DAP: variants seen among roughly 807,000 people sequenced by gnomAD.
DAP encodes the protein death-associated protein 1.
A neutral mutation model predicts 13.8 loss-of-function variants in DAP; 8 were observed. The observed-to-expected ratio is 0.58, with a 90% confidence interval of 0.34 to 1.05. The LOEUF (loss-of-function observed/expected upper bound fraction) is 1.05. DAP is among the 50% of genes least tolerant of loss of function. DAP has a pLI of 0.03. For synonymous variants in DAP, 47 were observed against 47.5 expected (o/e 0.99, Z 0.04); for missense variants, 106 against 133.2 (o/e 0.80, Z 1.01).
chr5:10,747,031 A>G (rs1489683614), intron 2 of DAP, among the ~76,000 whole-genome samples: 1 of 152,190 alleles, frequency 6.6e-6, no homozygotes, highest in Non-Finnish European at 1.5e-5. Flanking sequence ...GTTTCCTTGT[A>G]CATAAACTGG....
chr5:10,695,179 T>C (rs1402889382), intron 2 of DAP, among the ~76,000 whole-genome samples: 1 of 152,236 alleles, frequency 6.6e-6, no homozygotes, highest in African/African-American at 2.4e-5. Context: ...AGTGTGACAG[T>C]CGAGGCTGTC....
chr5:10,727,353 T>C (rs944383043), intron 2 of DAP, among the ~76,000 whole-genome samples: 17 of 151,988 alleles, frequency 1.1e-4, no homozygotes, highest in African/African-American at 4.1e-4. Context: ...CGCACAGGGG[T>C]CAGCACACCC....
intron 2 of DAP, among the ~76,000 whole-genome samples, chr5:10,745,894 C>G (rs561573427): frequency 6.6e-6 from 1 of 152,304 alleles, no homozygotes; most frequent in East Asian, 1.9e-4. Flanking sequence ...AGGGAAATTA[C>G]TACAGGCTTA....
intron 1 of DAP, among the ~76,000 whole-genome samples, chr5:10,757,156 G>A (rs1740209058): frequency 6.6e-6 from 1 of 152,210 alleles, no homozygotes. Context: ...GGAGGCACCT[G>A]GCCAGTGATG....
Position 10,680,285 on chromosome 5 carries a change from T to C in DAP, c.*771A>G, listed in dbSNP as rs1737948847. The C allele has an allele frequency of 5.4e-6, 1 of 184,280 alleles. No individual in the cohort carries two copies. Among genetic ancestry groups the C allele is most frequent in the Non-Finnish European group, 1.1e-5 (1 of 88,098 alleles). 11.4% of individuals were successfully genotyped at this position (184,280 alleles called of 1,614,324 possible). On this transcript the variant is annotated 3_prime_UTR_variant, in exon 4 of 4. Coordinates refer to ENST00000230895, the MANE Select transcript of DAP (RefSeq NM_004394.3). ...TGGTCCGTGGTCACTTCCAGAACTC[T>C]GAAGTGGCTCAGGAGGTGACTCCTG...
At chr5:10,721,321 G>A (rs1739133721) in intron 2 of DAP, among the ~76,000 whole-genome samples, 1 of 152,168 alleles carries the variant, frequency 6.6e-6, no homozygotes, top group Non-Finnish European at 1.5e-5. Context: ...ATTATGTTCT[G>A]CTGGCCTAGA....
In DAP at chr5:10,761,129, G is replaced by T; in HGVS notation, c.-61C>A. 1.0e-6 allele frequency: 1 copy of T among 999,246 alleles called. No individual in the cohort carries two copies. Among genetic ancestry groups the T allele is most frequent in the Non-Finnish European group, 1.3e-6 (1 of 783,750 alleles). The allele number at this position is 999,246 out of a possible 1,614,324, so 61.9% of individuals were successfully genotyped here. On this transcript the variant is annotated 5_prime_UTR_variant, in exon 1 of 4. Transcript: ENST00000230895. Reference sequence around the variant, plus strand: ...CGCGGTTCTCGGGCCGGGCGGGCGTGCGCGAGTGAGCTCAGGTGTGAGCGC... The same window carrying T: ...CGCGGTTCTCGGGCCGGGCGGGCGTTCGCGAGTGAGCTCAGGTGTGAGCGC...
intron 1 of DAP, among the ~76,000 whole-genome samples, chr5:10,749,520 T>C (rs1739993405): frequency 6.6e-6 from 1 of 152,204 alleles, no homozygotes; most frequent in African/African-American, 2.4e-5. Flanking sequence ...TGGTCTCTTA[T>C]TGTGGTTTGA....
chr5:10,705,477 T>C (rs578031047), intron 2 of DAP, among the ~76,000 whole-genome samples: 2 of 152,352 alleles, frequency 1.3e-5, no homozygotes, highest in Admixed American at 1.3e-4. Flanking sequence ...GCCTGGGCTC[T>C]CTCCACTGCT....
intron 2 of DAP, among the ~76,000 whole-genome samples, chr5:10,740,484 C>A (rs147200464): frequency 6.6e-6 from 1 of 152,266 alleles, no homozygotes; most frequent in Non-Finnish European, 1.5e-5. Flanking sequence ...AAACTTGGTG[C>A]ATCACAAACA....
chr5:10,751,568 C>T (rs763502400), intron 1 of DAP, among the ~76,000 whole-genome samples: 5 of 152,196 alleles, frequency 3.3e-5, no homozygotes, highest in African/African-American at 7.2e-5. Context: ...ATGAAAGATG[C>T]TATTACGGGC....
At chr5:10,710,660 GAGA>G (rs2126651548) in intron 2 of DAP, among the ~76,000 whole-genome samples, 1 of 152,356 alleles carries the variant, frequency 6.6e-6, no homozygotes, top group South Asian at 2.1e-4. Flanking sequence ...AGGGTGGCTG[GAGA>G]AGGTGCCCTG....
At chr5:10,683,395 A>G (rs1022803536) in intron 3 of DAP, 134 bp downstream of exon 3, 4 of 898,492 alleles carry the variant, frequency 4.5e-6, no homozygotes, top group Non-Finnish European at 7.4e-6. Flanking sequence ...CAATGAAGAG[A>G]GCCATGGCCA....
chr5:10,720,191 T>A, intron 2 of DAP, among the ~76,000 whole-genome samples: 1 of 152,258 alleles, frequency 6.6e-6, no homozygotes, highest in South Asian at 2.1e-4. Flanking sequence ...AAGGAGACCA[T>A]GGGCATTTGA....
chr5:10,681,283 G>A, intron 3 of DAP, 114 bp from the exon 4 acceptor site: 1 of 818,978 alleles, frequency 1.2e-6, no homozygotes, highest in Non-Finnish European at 1.8e-6. Context: ...GCAATTGTGT[G>A]TGAGGAAGCC....
rs1162569342 is a variant in DAP, at chr5:10,679,673, T to G, written c.*1383A>C. Reference sequence around the variant, plus strand: ...AGGGTACATGCCGGCTTCCCTTAAGTTGATTAGATGGGAAACCAAACACCG... The same window carrying G: ...AGGGTACATGCCGGCTTCCCTTAAGGTGATTAGATGGGAAACCAAACACCG... On this transcript the variant is annotated 3_prime_UTR_variant, in exon 4 of 4. Coordinates refer to ENST00000230895, the MANE Select transcript of DAP (RefSeq NM_004394.3). 1.3e-5 allele frequency: 2 copies of G among 152,388 alleles called. No homozygotes were observed. The highest frequency in any genetic ancestry group is 2.9e-5 in the Non-Finnish European group (2 of 68,086). 9.4% of individuals were successfully genotyped at this position (152,388 alleles called of 1,614,324 possible). A position where few individuals can be genotyped will look rare whatever the true frequency, so the allele number is the denominator to read the frequency against.
chr5:10,754,337 T>C (rs1008739990), intron 1 of DAP, among the ~76,000 whole-genome samples: 5 of 152,046 alleles, frequency 3.3e-5, no homozygotes, highest in Non-Finnish European at 5.9e-5. Flanking sequence ...ATAGATAAGG[T>C]AGAAGTAATG....
At chr5:10,695,810 T>C (rs144284732) in intron 2 of DAP, among the ~76,000 whole-genome samples, 317 of 152,292 alleles carry the variant, frequency 2.1e-3, no homozygotes, top group Non-Finnish European at 3.7e-3. Context: ...CCAGGTAGCA[T>C]TCCACCCACA....
At chr5:10,689,084 A>G (rs1483449690) in intron 2 of DAP, among the ~76,000 whole-genome samples, 1 of 151,916 alleles carries the variant, frequency 6.6e-6, no homozygotes, top group African/African-American at 2.4e-5. Context: ...ATTGATCACG[A>G]CAAGGGTGGG....
Sources: gnomAD v4.1 joint callset for allele counts (sites outside exome capture counted in the v4.1 genomes callset) on GRCh38, gnomAD v4.1.1 for gene constraint, MANE v1.5 for transcripts, NCBI Gene and HGNC (gene_info 2026-07-23, HGNC 2026-07-21) for gene names.